The following CNTNAP2 variants were observed in gnomAD, a reference collection of about 807,000 sequenced individuals.
CNTNAP2 encodes the protein contactin associated protein 2.
Under a neutral mutation model 155.2 loss-of-function variants are expected in CNTNAP2, and 98 were observed. The observed-to-expected ratio is 0.63, with a 90% CI of 0.54 to 0.75. The LOEUF (loss-of-function observed/expected upper bound fraction) is 0.75, where lower values mean the gene tolerates loss of function less well. Ranked by LOEUF, CNTNAP2 falls within the 30% of genes least tolerant of loss-of-function variation. CNTNAP2 has a pLI of 0.00. For missense variants in CNTNAP2, 1,727 were observed against 1,688.1 expected (o/e 1.02, Z -0.40); for synonymous variants, 651 against 631.2 (o/e 1.03, Z -0.47).
intron 3 of CNTNAP2, among the ~76,000 whole-genome samples, chr7:146,912,025 T>A (rs1374349878): frequency 6.6e-6 from 1 of 151,952 alleles, no homozygotes; most frequent in African/African-American, 2.4e-5. Flanking sequence ...TATTTGCATG[T>A]GGTACAGTAT....
chr7:146,360,323 A>T (rs538519273), intron 1 of CNTNAP2, among the ~76,000 whole-genome samples: 1 of 152,326 alleles, frequency 6.6e-6, no homozygotes, highest in Non-Finnish European at 1.5e-5. Flanking sequence ...GAGCACAAAG[A>T]TAGACCTAAG....
chr7:148,321,845 C>T (rs1309345744), intron 21 of CNTNAP2, among the ~76,000 whole-genome samples: 1 of 151,168 alleles, frequency 6.6e-6, no homozygotes, highest in Non-Finnish European at 1.5e-5. Flanking sequence ...TATGTAATCA[C>T]ATATGAACTG....
intron 10 of CNTNAP2, among the ~76,000 whole-genome samples, chr7:147,420,361 C>T (rs1039827617): frequency 6.6e-6 from 1 of 152,030 alleles, no homozygotes; most frequent in African/African-American, 2.4e-5. Flanking sequence ...CAATTGGTGA[C>T]ATTAAAGTTA....
intron 1 of CNTNAP2, among the ~76,000 whole-genome samples, chr7:146,734,747 C>G (rs1047272575): frequency 6.6e-6 from 1 of 152,096 alleles, no homozygotes; most frequent in Admixed American, 6.6e-5. Context: ...TTTGAACATG[C>G]TTCATAATTC....
At chr7:147,160,572 A>G (rs559514171) in intron 8 of CNTNAP2, among the ~76,000 whole-genome samples, 1 of 152,124 alleles carries the variant, frequency 6.6e-6, no homozygotes, top group Non-Finnish European at 1.5e-5. Flanking sequence ...CAATATGCCC[A>G]TTATAGGAAA....
At chr7:146,467,194 A>G (rs972264918) in intron 1 of CNTNAP2, among the ~76,000 whole-genome samples, 2 of 152,128 alleles carry the variant, frequency 1.3e-5, no homozygotes, top group African/African-American at 4.8e-5. Context: ...TTTCAAGTAT[A>G]TTACCACTTC....
At chr7:147,730,313 A>G (rs1382988828) in intron 13 of CNTNAP2, among the ~76,000 whole-genome samples, 2 of 152,078 alleles carry the variant, frequency 1.3e-5, no homozygotes, top group African/African-American at 4.8e-5. Context: ...TCACAAATTG[A>G]AGGTTTGTGA....
At chr7:146,836,001 C>G (rs1803609774) in intron 2 of CNTNAP2, among the ~76,000 whole-genome samples, 1 of 152,080 alleles carries the variant, frequency 6.6e-6, no homozygotes, top group Non-Finnish European at 1.5e-5. Flanking sequence ...ACATGTGCCT[C>G]TTTTTAACCC....
intron 10 of CNTNAP2, among the ~76,000 whole-genome samples, chr7:147,441,813 T>TTCTCTTTCTCTC (rs1797640060): frequency 9.8e-6 from 1 of 102,114 alleles, no homozygotes; most frequent in South Asian, 4.6e-4. Context: ...TGTAGTCTCT[T>TTCTCTTTCTCTC]TCTCTCTCTC....
intron 1 of CNTNAP2, among the ~76,000 whole-genome samples, chr7:146,217,837 A>G (rs1233116428): frequency 6.6e-6 from 1 of 152,200 alleles, no homozygotes; most frequent in Admixed American, 6.5e-5. Flanking sequence ...GCATTTGTCA[A>G]AACATATTCG....
chr7:146,251,621 T>C (rs1799758454), intron 1 of CNTNAP2, among the ~76,000 whole-genome samples: 3 of 152,356 alleles, frequency 2.0e-5, no homozygotes, highest in Admixed American at 2.0e-4. Flanking sequence ...TTAAATTTAT[T>C]ATTTCAACTT....
At chr7:146,293,798 C>A (rs977755637) in intron 1 of CNTNAP2, among the ~76,000 whole-genome samples, 7 of 151,988 alleles carry the variant, frequency 4.6e-5, no homozygotes, top group African/African-American at 1.7e-4. Flanking sequence ...CTCTCAAAAA[C>A]TGTAGAAAAA....
intron 10 of CNTNAP2, among the ~76,000 whole-genome samples, chr7:147,479,842 C>A (rs1462759042): frequency 1.3e-5 from 2 of 151,620 alleles, no homozygotes; most frequent in Non-Finnish European, 2.9e-5. Flanking sequence ...ATCAATATTA[C>A]AATAGTGTTT....
chr7:147,176,525 T>C (rs1344389069), intron 8 of CNTNAP2, among the ~76,000 whole-genome samples: 2 of 150,564 alleles, frequency 1.3e-5, no homozygotes, highest in Non-Finnish European at 3.0e-5. Context: ...TGCTGCATAT[T>C]ATATGCCTTT....
intron 3 of CNTNAP2, among the ~76,000 whole-genome samples, chr7:147,012,403 A>AAAATTTTTGCT (rs1798643866): frequency 1.3e-5 from 2 of 152,208 alleles, no homozygotes; most frequent in African/African-American, 4.8e-5. Context: ...TGTGCTTCAT[A>AAAATTTTTGCT]GTATTCTTAA....
At chr7:146,402,659 A>G (rs1170592231) in intron 1 of CNTNAP2, among the ~76,000 whole-genome samples, 1 of 152,054 alleles carries the variant, frequency 6.6e-6, no homozygotes, top group African/African-American at 2.4e-5. Flanking sequence ...CAGAATTTGA[A>G]AAAGTTCCTT....
intron 13 of CNTNAP2, among the ~76,000 whole-genome samples, chr7:147,649,428 G>A (rs959246895): frequency 2.0e-5 from 3 of 152,126 alleles, no homozygotes; most frequent in African/African-American, 7.2e-5. Flanking sequence ...TGGGTTTCAT[G>A]TTTATTTCTC....
chr7:148,346,679 G>A lies in CNTNAP2; in HGVS notation c.3476-36970G>A, dbSNP rs185753714. Among the ~76,000 whole-genome samples the A allele has an allele frequency of 4.6e-3, 705 of 151,996 alleles. 6 individuals are homozygous for A. The highest frequency in any genetic ancestry group is 0.016 in the African/African-American group (680 of 41,402). ...CCCAGCTACCTGGGAGGCTGAGGCA[G>A]GAGAATTGCTTGAACCTGGGAGGCG... On this transcript the variant is annotated intron_variant, in intron 21 of 23. Transcript: ENST00000361727.
chr7:146,308,362 G>A (rs1166013206), intron 1 of CNTNAP2, among the ~76,000 whole-genome samples: 2 of 152,134 alleles, frequency 1.3e-5, no homozygotes, highest in African/African-American at 4.8e-5. Context: ...AAATAGAAAT[G>A]CTTTTACACC....
Sources: gnomAD v4.1 joint callset for allele counts (sites outside exome capture counted in the v4.1 genomes callset) on GRCh38, gnomAD v4.1.1 for gene constraint, MANE v1.5 for transcripts, NCBI Gene and HGNC (gene_info 2026-07-23, HGNC 2026-07-21) for gene names.